Variants in NAV3 observed in about 807,000 individuals in gnomAD.
The protein encoded by NAV3 is pore membrane and/or filament interacting like protein 1.
NAV3 carries 87 observed loss-of-function variants against 244.7 expected under a neutral mutation model. The ratio of observed to expected loss-of-function variants is 0.36; its 90% CI spans 0.30 to 0.42. NAV3 has a LOEUF of 0.42. NAV3 is among the 20% of genes least tolerant of loss of function. The pLI is 1.00. For synonymous variants in NAV3, 1,126 were observed against 1,042.2 expected, an observed-to-expected ratio of 1.08 and a Z score of -1.55; for missense variants, 2,663 against 2,893.3, an observed-to-expected ratio of 0.92 and a Z score of 1.83.
rs1213957618 is a variant in NAV3 at position 78,198,617 on chromosome 12, T to C, written c.6459T>C (p.Ile2153=). Residue 2153 remains isoleucine (I), a synonymous_variant, in exon 36 of 40, where the codon ATT becomes ATC. Transcript: ENST00000397909. Reference sequence around the variant, plus strand: ...TATTTTTTTCTAGTCCATATATTATTGGAACAATGAATCAGGGAGTTTCTT... The same window carrying C: ...TATTTTTTTCTAGTCCATATATTATCGGAACAATGAATCAGGGAGTTTCTT... ...NCKYNKCPYI[I]GTMNQGVSSS... is the part of the protein sequence containing the mutation. The C allele has an allele frequency of 1.4e-5, 22 of 1,595,896 alleles. No individual in the cohort carries two copies. In the East Asian group the frequency reaches 3.1e-4, roughly 23 times the overall value.
At chr12:77,653,412 G>A (rs1032622405) in intron 2 of NAV3, among the ~76,000 whole-genome samples, 2 of 152,170 alleles carry the variant, frequency 1.3e-5, no homozygotes, top group African/African-American at 2.4e-5. Flanking sequence ...TTTGAAAAGA[G>A]GAGGCTGTCT....
At chr12:77,851,098 G>T (rs1877449096) in intron 1 of NAV3, among the ~76,000 whole-genome samples, 1 of 152,172 alleles carries the variant, frequency 6.6e-6, no homozygotes, top group South Asian at 2.1e-4. Context: ...TTCCATATTG[G>T]CAAGGAGCAC....
At chr12:77,709,554 A>G (rs1168999896) in intron 2 of NAV3, among the ~76,000 whole-genome samples, 1 of 152,202 alleles carries the variant, frequency 6.6e-6, no homozygotes, top group African/African-American at 2.4e-5. Flanking sequence ...TATATGAAGG[A>G]ATCATATCAA....
chr12:77,712,656 C>T (rs1465631129), intron 2 of NAV3, among the ~76,000 whole-genome samples: 6 of 152,160 alleles, frequency 3.9e-5, no homozygotes, highest in Non-Finnish European at 7.3e-5. Context: ...CAACTGATAA[C>T]TGCAGTAAGT....
chr12:77,712,893 C>T (rs1347456120), intron 2 of NAV3, among the ~76,000 whole-genome samples: 2 of 152,174 alleles, frequency 1.3e-5, no homozygotes, highest in African/African-American at 2.4e-5. Flanking sequence ...TTACAGATCA[C>T]ACTCCAAGGC....
chr12:78,114,889 A>G (rs898403690), intron 12 of NAV3, among the ~76,000 whole-genome samples: 7 of 152,202 alleles, frequency 4.6e-5, no homozygotes, highest in Non-Finnish European at 1.0e-4. Context: ...GATAATTATG[A>G]TGCATTATGC....
chr12:77,676,649 T>C (rs1874221152), intron 2 of NAV3, among the ~76,000 whole-genome samples: 1 of 152,088 alleles, frequency 6.6e-6, no homozygotes, highest in East Asian at 1.9e-4. Context: ...GGCATACATG[T>C]GCCAGGGTGA....
chr12:78,078,473 G>A (rs929319774), intron 12 of NAV3, among the ~76,000 whole-genome samples: 24 of 125,676 alleles, frequency 1.9e-4, no homozygotes, highest in South Asian at 8.3e-4. Context: ...TCGGCTCACC[G>A]CAAGCTCCGC....
chr12:78,195,700 G>A (rs980278611), intron 34 of NAV3, among the ~76,000 whole-genome samples: 1 of 151,778 alleles, frequency 6.6e-6, no homozygotes, highest in African/African-American at 2.4e-5. Context: ...ATTTACATGT[G>A]TGCCTACCAC....
At chr12:77,900,620 A>G (rs565203684) in intron 1 of NAV3, among the ~76,000 whole-genome samples, 2 of 152,100 alleles carry the variant, frequency 1.3e-5, no homozygotes, top group South Asian at 2.1e-4. Flanking sequence ...TCTACCATTT[A>G]TGGTCTTCTA....
At chr12:77,613,837 A>G (rs962201023) in intron 2 of NAV3, among the ~76,000 whole-genome samples, 2 of 152,094 alleles carry the variant, frequency 1.3e-5, no homozygotes, top group Admixed American at 6.6e-5. Context: ...TCTCTGAAAC[A>G]CCATTTATTT....
At chr12:77,763,871 C>A (rs1869612572) in intron 2 of NAV3, among the ~76,000 whole-genome samples, 1 of 152,110 alleles carries the variant, frequency 6.6e-6, no homozygotes. Flanking sequence ...TTTAAAACAC[C>A]CCATCCAGAT....
At chr12:77,945,570 G>C (rs1024039280) in intron 3 of NAV3, among the ~76,000 whole-genome samples, 2 of 152,024 alleles carry the variant, frequency 1.3e-5, no homozygotes, top group African/African-American at 2.4e-5. Flanking sequence ...TTACATAAGT[G>C]TTACATGTAT....
At chr12:77,959,331 A>T (rs1257022381) in intron 3 of NAV3, among the ~76,000 whole-genome samples, 1 of 152,092 alleles carries the variant, frequency 6.6e-6, no homozygotes, top group Non-Finnish European at 1.5e-5. Context: ...AAGAAATACT[A>T]GATTAAAAAT....
intron 2 of NAV3, among the ~76,000 whole-genome samples, chr12:77,606,096 A>G (rs1447604921): frequency 6.6e-6 from 1 of 152,184 alleles, no homozygotes; most frequent in Non-Finnish European, 1.5e-5. Context: ...GAAAAACCTC[A>G]TAGGTAAAAA....
chr12:77,909,768 G>T (rs1301146813), intron 1 of NAV3, among the ~76,000 whole-genome samples: 1 of 151,902 alleles, frequency 6.6e-6, no homozygotes, highest in Non-Finnish European at 1.5e-5. Context: ...GACTATTAAA[G>T]ATTTTATTGA....
intron 2 of NAV3, among the ~76,000 whole-genome samples, chr12:77,732,142 C>A (rs1877152134): frequency 6.6e-6 from 1 of 152,022 alleles, no homozygotes; most frequent in Non-Finnish European, 1.5e-5. Context: ...ATCAAGGATT[C>A]CTAGTGCCTT....
intron 1 of NAV3, among the ~76,000 whole-genome samples, chr12:77,888,931 GA>G (rs200559696): frequency 3.3e-5 from 5 of 152,160 alleles, no homozygotes; most frequent in Middle Eastern, 6.8e-3. Context: ...GTGATTTCTT[GA>G]AAAAAATTTT....
At chr12:77,588,289 T>A (rs1194851793) in intron 2 of NAV3, among the ~76,000 whole-genome samples, 1 of 93,500 alleles carries the variant, frequency 1.1e-5, no homozygotes, top group Non-Finnish European at 2.8e-5. Flanking sequence ...GATTTTTTTA[T>A]TTTTTTTTTG....
Sources: gnomAD v4.1 joint callset for allele counts (sites outside exome capture counted in the v4.1 genomes callset) on GRCh38, gnomAD v4.1.1 for gene constraint, MANE v1.5 for transcripts, NCBI Gene and HGNC (gene_info 2026-07-23, HGNC 2026-07-21) for gene names.